The following DOP1A variants were observed in gnomAD, a reference collection of about 807,000 sequenced individuals.
DOP1A encodes DOP1 leucine zipper like protein A, also known as protein DOP1A.
DOP1A carries 90 observed loss-of-function variants against 267.6 expected under a neutral mutation model. The ratio of observed to expected loss-of-function variants is 0.34; its 90% CI spans 0.28 to 0.40. DOP1A has a LOEUF of 0.40. DOP1A is among the 10% of genes least tolerant of loss of function. The pLI is 1.00. For missense variants in DOP1A, 2,437 were observed against 2,900.4 expected, an observed-to-expected ratio of 0.84 and a Z score of 3.67; for synonymous variants, 932 against 999.1, an observed-to-expected ratio of 0.93 and a Z score of 1.27.
intron 34 of DOP1A, among the ~76,000 whole-genome samples, chr6:83,156,313 C>T (rs996390638): frequency 1.3e-5 from 2 of 152,064 alleles, no homozygotes; most frequent in African/African-American, 4.8e-5. Flanking sequence ...AATGTGGTCT[C>T]TATTTTATTG....
chr6:83,072,578 A>C (rs1785804088), intron 1 of DOP1A, among the ~76,000 whole-genome samples: 1 of 152,242 alleles, frequency 6.6e-6, no homozygotes, highest in South Asian at 2.1e-4. Context: ...ATAAGGGAGC[A>C]GTACAGAAGC....
chr6:83,122,484 C>T (rs1330611938), intron 11 of DOP1A, among the ~76,000 whole-genome samples: 1 of 151,886 alleles, frequency 6.6e-6, no homozygotes, highest in Non-Finnish European at 1.5e-5. Context: ...CAAAATTCTT[C>T]ACAATCAAGG....
intron 4 of DOP1A, among the ~76,000 whole-genome samples, chr6:83,102,751 A>G (rs1415108582): frequency 1.3e-5 from 2 of 152,238 alleles, no homozygotes; most frequent in African/African-American, 4.8e-5. Flanking sequence ...ACTGCTTCTC[A>G]GCACACTTCA....
intron 15 of DOP1A, 66 bp from the exon 16 acceptor site, chr6:83,128,821 C>T (rs1262831861): frequency 1.7e-5 from 25 of 1,487,796 alleles, no homozygotes; most frequent in Non-Finnish European, 2.2e-5. Context: ...CAAAAGTGGT[C>T]ATTTCTAATT....
At position 83,168,470 on chromosome 6, in the gene DOP1A, T is replaced by C. The variant is rs1786384048; in HGVS notation, c.*303T>C. 3 of 1,042,344 alleles carry C rather than the reference T, an allele frequency of 2.9e-6. No homozygotes were observed. Among genetic ancestry groups the C allele is most frequent in the Non-Finnish European group, 3.5e-6 (3 of 866,730 alleles). The allele number at this position is 1,042,344 out of a possible 1,614,324, so 64.6% of individuals were successfully genotyped here. A position where few individuals can be genotyped will look rare whatever the true frequency, so the allele number is the denominator to read the frequency against. On this transcript the variant is annotated 3_prime_UTR_variant, in exon 39 of 39. Transcript: ENST00000349129. Reference sequence around the variant, plus strand: ...AAATATACACTACCCATTTTTTTTTTCCATTGGTTTCAGACTTGGTTCAAT... The same window carrying C: ...AAATATACACTACCCATTTTTTTTTCCCATTGGTTTCAGACTTGGTTCAAT...
chr6:83,131,146 A>G (rs61424603), intron 17 of DOP1A, among the ~76,000 whole-genome samples: 2,965 of 152,330 alleles, frequency 0.019, 110 homozygotes, highest in African/African-American at 0.068. Flanking sequence ...AAAAAAATTC[A>G]GAAAACTCAG....
In DOP1A at chr6:83,134,235, A is replaced by G; in HGVS notation, c.2818A>G (p.Thr940Ala). ...CAAGTTTGCAGTTCTTTGGCATCTA[A>G]CGAGAGATCTCCATATAAATAAATC... ...HAKFAVLWHL[T>A]RDLHINKSSS... The change falls in exon 19 of 39, where the codon ACG becomes GCG. Residue 940 changes from threonine to alanine, a missense_variant. Transcript: ENST00000349129. The G allele has an allele frequency of 6.2e-7, 1 of 1,613,042 alleles. No homozygotes were observed.
chr6:83,117,398 C>A (rs754782543), intron 7 of DOP1A, among the ~76,000 whole-genome samples: 3 of 152,102 alleles, frequency 2.0e-5, no homozygotes, highest in Non-Finnish European at 4.4e-5. Flanking sequence ...GATCCGCCTG[C>A]CTTGGCCTCC....
Position 83,074,899 on chromosome 6 carries a change from C to T in DOP1A, c.-147+7120C>T, listed in dbSNP as rs901347442. Among the ~76,000 whole-genome samples, 11 of 152,214 alleles carry T rather than the reference C, an allele frequency of 7.2e-5. No homozygotes were observed. The South Asian group carries it at 1.2e-3, about 17-fold the overall frequency. On this transcript the variant is annotated intron_variant, in intron 1 of 38. Transcript: ENST00000349129. ...GAAATGTTGAATACATTTCAACTTA[C>T]GGTATTTTCAACTTAGGATGAGTTT...
At chr6:83,117,383 C>G (rs2128204389) in intron 7 of DOP1A, among the ~76,000 whole-genome samples, 1 of 152,086 alleles carries the variant, frequency 6.6e-6, no homozygotes, top group East Asian at 1.9e-4. Flanking sequence ...ATCTCCTGAC[C>G]TTGTGATCCG....
chr6:83,168,908 G>A (rs192160030), downstream of DOP1A: 22 of 1,078,774 alleles, frequency 2.0e-5, no homozygotes, highest in East Asian at 1.4e-3. Context: ...ATCACAAGGA[G>A]TTGGTAATAA....
At chr6:83,092,548 A>G (rs1770612660) in intron 1 of DOP1A, among the ~76,000 whole-genome samples, 1 of 90,446 alleles carries the variant, frequency 1.1e-5, no homozygotes, top group African/African-American at 3.9e-5. Context: ...AAGGGACAGT[A>G]GTGTCCCTCC....
chr6:83,069,099 C>G (rs78736152), intron 1 of DOP1A, among the ~76,000 whole-genome samples: 1 of 152,160 alleles, frequency 6.6e-6, no homozygotes, highest in Non-Finnish European at 1.5e-5. Context: ...GGAGTGAGCT[C>G]TGGCCTGGGA....
At chr6:83,109,213 A>AATAATGTTTCATT in intron 5 of DOP1A, 133 bp downstream of exon 5, 2 of 743,576 alleles carry the variant, frequency 2.7e-6, no homozygotes, top group Non-Finnish European at 4.2e-6. Context: ...ATATTTCTAT[A>AATAATGTTTCATT]GCAATGAAAC....
In DOP1A at chr6:83,137,547, G is replaced by A. The variant is rs1779040644; in HGVS notation, c.3505G>A (p.Ala1169Thr). ...TGTAAGTGGCCTCGAAGTGGAATCTGCATCAGTTACATCTCAATTAGAAAT... is the reference window on the plus strand; with the variant it reads ...TGTAAGTGGCCTCGAAGTGGAATCTACATCAGTTACATCTCAATTAGAAAT... ...KVVSGLEVES[A>T]SVTSQLEIEA... The change falls in exon 21 of 39, where the codon GCA becomes ACA. Residue 1169 changes from alanine to threonine, a missense_variant. By Grantham distance (58) the Ala-to-Thr change is moderately conservative. Around this residue, in one of 9 missense-constraint regions of DOP1A, gnomAD observed 878 missense variants for 992.9 expected, o/e 0.88. Transcript: ENST00000349129. 1 of 1,613,826 alleles carries A rather than the reference G, an allele frequency of 6.2e-7. No homozygotes were observed. The highest frequency in any genetic ancestry group is 1.1e-5 in the South Asian group (1 of 91,078).
At chr6:83,123,763 A>G (rs2128222639) in intron 12 of DOP1A, among the ~76,000 whole-genome samples, 1 of 152,188 alleles carries the variant, frequency 6.6e-6, no homozygotes, top group South Asian at 2.1e-4. Context: ...ATGCACGCGT[A>G]TATTCCTAGT....
At position 83,124,947 on chromosome 6, in the gene DOP1A, CT is replaced by C. The variant is rs1195268599; in HGVS notation, c.1455+134del. On this transcript the variant is annotated intron_variant, in intron 13 of 38. Coordinates refer to ENST00000349129, the MANE Select transcript of DOP1A (RefSeq NM_015018.4). ...AATTGATTTTTTCCTCTTTGGTAAGCTTTTTTCATAAGATCTTTCAAGTGTT... is the reference window on the plus strand; with the variant it reads ...AATTGATTTTTTCCTCTTTGGTAAGCTTTTTCATAAGATCTTTCAAGTGTT... The C allele has an allele frequency of 6.2e-5, 57 of 914,698 alleles. 1 individual carries two copies. The highest frequency in any genetic ancestry group is 9.4e-5 in the Non-Finnish European group (57 of 607,054). The allele number at this position is 914,698 out of a possible 1,614,324, so 56.7% of individuals were successfully genotyped here. A position where few individuals can be genotyped will look rare whatever the true frequency, so the allele number is the denominator to read the frequency against.
In DOP1A at chr6:83,134,084, G is replaced by A. The variant is rs143041308; in HGVS notation, c.2770-103G>A. On this transcript the variant is annotated intron_variant, in intron 18 of 38. Transcript: ENST00000349129. ...CAATGTGTGTTTGAATATTGTGGAC[G>A]TTGAACGTAATACAGTACTCCTAAA... The A allele has an allele frequency of 1.7e-4, 134 of 780,946 alleles. No homozygotes were observed. In the East Asian group the frequency reaches 3.7e-3, roughly 22 times the overall value. 48.4% of individuals were successfully genotyped at this position (780,946 alleles called of 1,614,324 possible).
At chr6:83,147,958 G>T (rs999397295) in intron 26 of DOP1A, among the ~76,000 whole-genome samples, 3 of 152,168 alleles carry the variant, frequency 2.0e-5, no homozygotes, top group African/African-American at 7.2e-5. Flanking sequence ...ATGAGGTAGA[G>T]ACGTACAAGG....
Sources: allele counts gnomAD v4.1 joint callset (sites outside exome capture counted in the v4.1 genomes callset), GRCh38; gene constraint gnomAD v4.1.1; regional missense constraint gnomAD v4.1.1; transcripts MANE v1.5; gene names NCBI Gene and HGNC (gene_info 2026-07-23, HGNC 2026-07-21).